Variants in TEP1 observed in about 807,000 individuals in gnomAD.
TEP1 encodes the protein telomerase associated protein 1, also known as telomerase protein component 1.
In TEP1, 241 loss-of-function variants were observed where a neutral mutation model predicts 306.3. The ratio of observed to expected loss-of-function variants is 0.79; its 90% confidence interval spans 0.71 to 0.88. The LOEUF (loss-of-function observed/expected upper bound fraction) is 0.88. Among genes scored for constraint, TEP1 ranks in the 40% least tolerant of loss-of-function variants. TEP1 has a pLI of 0.00. For missense variants in TEP1, 3,051 were observed against 3,276.1 expected, an observed-to-expected ratio of 0.93 and a Z score of 1.68; for synonymous variants, 1,289 against 1,305.5, an observed-to-expected ratio of 0.99 and a Z score of 0.27.
chr14:20,380,215 G>C lies in TEP1; in HGVS notation c.5003+20C>G. 6.2e-7 allele frequency: 1 copy of C among 1,609,534 alleles called. No individual in the cohort carries two copies. The highest frequency in any genetic ancestry group is 8.5e-7 in the Non-Finnish European group (1 of 1,176,672). On this transcript the variant is annotated intron_variant, in intron 34 of 54. Transcript: ENST00000262715. ...CTTGCTCTCTGGTGGGCTTACTAGG[G>C]TCTGGGGTCAAGGTCTTACCTTTGC...
In TEP1 at chr14:20,372,724, C is replaced by T. The variant is rs373397069; in HGVS notation, c.7076+9G>A. ...GTTTCTATCCCATTAACCCATCAGC[C>T]TGTTTCACCTCAAATTTCCGGGTGC... On this transcript the variant is annotated intron_variant, in intron 49 of 54. Transcript: ENST00000262715. 5.6e-6 allele frequency: 9 copies of T among 1,613,954 alleles called. No individual in the cohort carries two copies. The highest frequency in any genetic ancestry group is 1.7e-5 in the Admixed American group (1 of 59,986).
At chr14:20,389,147 TA>T (rs74346293) in intron 17 of TEP1, 90 bp downstream of exon 17, 102,086 of 999,592 alleles carry the variant, frequency 0.1, no homozygotes, top group South Asian at 0.13. Context: ...GATTCTGTCT[TA>T]AAAAAAAAAA....
chr14:20,390,481 T>C (rs113979333), intron 15 of TEP1, among the ~76,000 whole-genome samples, 200 bp downstream of exon 15: 9,878 of 152,292 alleles, frequency 0.065, 355 homozygotes, highest in African/African-American at 0.095. Flanking sequence ...CAGATGCTAC[T>C]AACCAAGGCT....
rs1304722327 is a variant in TEP1, at chr14:20,386,092, G to C, written c.2965C>G (p.His989Asp). Residue 989 changes from histidine to aspartate, a missense_variant, in exon 20 of 55, where the codon CAT (histidine) becomes GAT (aspartate). Coordinates refer to ENST00000262715, the MANE Select transcript of TEP1 (RefSeq NM_007110.5). ...YIPPSYNLPD[H>D]PHFHWAQQYP... The stretch of plus-strand genomic sequence containing the variant: ...TGCCTTACCCAGTGGAAGTGTGGAT[G>C]GTCAGGAAGGTTGTAGCTGGGGGGA... 1 of 1,610,266 alleles carries C rather than the reference G, an allele frequency of 6.2e-7. No individual in the cohort carries two copies. The highest frequency in any genetic ancestry group is 8.5e-7 in the Non-Finnish European group (1 of 1,178,654).
At chr14:20,403,908 A>C (rs1169184024) in intron 5 of TEP1, 24 bp from the exon 6 acceptor site, 4 of 1,613,770 alleles carry the variant, frequency 2.5e-6, no homozygotes, top group Non-Finnish European at 3.4e-6. Flanking sequence ...AGGAGAGACC[A>C]CTAGAAGCAA....
rs543914037 is a variant in TEP1 at position 20,380,851 on chromosome 14, C to T, written c.4762+80G>A. 9.4e-4 allele frequency: 1,187 copies of T among 1,257,610 alleles called. 2 individuals carry two copies. Among genetic ancestry groups the T allele is most frequent in the Non-Finnish European group, 1.3e-3 (1,114 of 866,042 alleles). 77.9% of individuals were successfully genotyped at this position (1,257,610 alleles called of 1,614,324 possible). A position where few individuals can be genotyped will look rare whatever the true frequency, so the allele number is the denominator to read the frequency against. On this transcript the variant is annotated intron_variant, in intron 33 of 54. Transcript: ENST00000262715. ...TTTCCCTGACACCCACACCCCTGCC[C>T]CAACCCTGAGCAGGGCCCCCATAAG...
chr14:20,377,629 T>G lies in TEP1; in HGVS notation c.5846A>C (p.Asp1949Ala). 6.2e-7 allele frequency: 1 copy of G among 1,614,026 alleles called. No individual in the cohort carries two copies. The highest frequency in any genetic ancestry group is 1.1e-5 in the South Asian group (1 of 91,070). The change falls in exon 40 of 55, where the codon GAT becomes GCT. Residue 1949 changes from aspartate to alanine, a missense_variant. Physicochemically the swap from Asp to Ala is moderately radical, Grantham distance 126. Transcript: ENST00000262715. Reference sequence around the variant, plus strand: ...AGAGATTTTGTAGATCCTAATGCCATCCGCTCGATATCCAACAGCCACCCG... The same window carrying G: ...AGAGATTTTGTAGATCCTAATGCCAGCCGCTCGATATCCAACAGCCACCCG... ...GDRVAVGYRADGIRIYKISSG... is the reference protein window; with the variant it reads ...GDRVAVGYRAAGIRIYKISSG...
chr14:20,393,646 G>C (rs1877927478), intron 12 of TEP1, among the ~76,000 whole-genome samples: 1 of 152,164 alleles, frequency 6.6e-6, no homozygotes, highest in Non-Finnish European at 1.5e-5. Context: ...ACAAAAATTA[G>C]CGGGGTGTGG....
chr14:20,380,377 G>A lies in TEP1; in HGVS notation c.4861C>T (p.Pro1621Ser), dbSNP rs774227713. ...GCTGCCTGCTGGGGCAGGAGCCGGGGGTACTGGCTGAGGATTGAAGCCTGC... is the reference window on the plus strand; with the variant it reads ...GCTGCCTGCTGGGGCAGGAGCCGGGAGTACTGGCTGAGGATTGAAGCCTGC... ...RQQASILSQY[P>S]RLLPQQAANQ... The change falls in exon 34 of 55, where the codon CCC (proline) becomes TCC (serine). Residue 1621 changes from proline (P) to serine (S), a missense_variant. Physicochemically the swap from Pro to Ser is moderately conservative, Grantham distance 74 (BLOSUM62 -1). Transcript: ENST00000262715. The A allele has an allele frequency of 1.9e-6, 3 of 1,614,210 alleles. No individual in the cohort carries two copies. The highest frequency in any genetic ancestry group is 2.2e-5 in the South Asian group (2 of 91,088).
chr14:20,384,096 G>A lies in TEP1; in HGVS notation c.3476C>T (p.Pro1159Leu). 6.2e-7 allele frequency: 1 copy of A among 1,613,930 alleles called. No homozygotes were observed. Residue 1159 changes from proline to leucine, a missense_variant, in exon 24 of 55, where the codon CCC (proline) becomes CTC (leucine). Transcript: ENST00000262715. The part of the protein sequence containing the change: ...LQDTVQRLML[P>L]HGRLSLVTGQ... ...CGTCACCAGGCTCAGCCTTCCGTGG[G>A]GCAGCATCAGCCGTTGCACTGTGTC...
In TEP1 at chr14:20,391,098, T is replaced by C. The variant is rs768380701; in HGVS notation, c.2098-2A>G. 21 of 1,613,650 alleles carry C rather than the reference T, an allele frequency of 1.3e-5. No homozygotes were observed. The highest frequency in any genetic ancestry group is 1.7e-5 in the Non-Finnish European group (20 of 1,179,950). Reference sequence around the variant, plus strand: ...CAGCAGTGCATAGTTCAGCGGGGGCTGATTGGACAAGTGTCAGGGGAAATA... The same window carrying C: ...CAGCAGTGCATAGTTCAGCGGGGGCCGATTGGACAAGTGTCAGGGGAAATA... On this transcript the variant is annotated splice_acceptor_variant, in intron 13 of 54. Coordinates refer to ENST00000262715, the MANE Select transcript of TEP1 (RefSeq NM_007110.5). LOFTEE classifies it high-confidence loss of function.
At chr14:20,411,963 GTAT>G (rs1879712931) in intron 1 of TEP1, among the ~76,000 whole-genome samples, 2 of 151,750 alleles carry the variant, frequency 1.3e-5, no homozygotes, top group Non-Finnish European at 2.9e-5. Context: ...AAAAAGGAAT[GTAT>G]TTTCTTACTT....
In TEP1 at chr14:20,391,829, C is replaced by T. The variant is rs1489952455; in HGVS notation, c.1929-62G>A. 12 of 1,563,018 alleles carry T rather than the reference C, an allele frequency of 7.7e-6. No individual in the cohort carries two copies. In the Admixed American group the frequency reaches 1.2e-4, roughly 16 times the overall value. ...GACTTATCTGCCCCTTAGAGGCAGA[C>T]GGGGAGATGAGAAGTTGCCACTAAG... On this transcript the variant is annotated intron_variant, in intron 12 of 54. Transcript: ENST00000262715.
rs1456443765 is a variant in TEP1, at chr14:20,383,825, G to A, written c.3628C>T (p.Leu1210Phe). ...HFSGARPDQG[L>F]ALTLLRRLCT... ...AGGCGTCTGAGCAGAGTGAGGGCAA[G>A]ACCCTGGTCAGGACGAGCCCCAGAA... The change falls in exon 25 of 55, where the codon CTT (leucine) becomes TTT (phenylalanine). Residue 1210 changes from leucine (L) to phenylalanine (F), a missense_variant. Leu to Phe is a conservative substitution (Grantham distance 22). Around this residue, in one of 3 missense-constraint regions of TEP1, gnomAD observed 1,507 missense variants for 1,550.5 expected, o/e 0.97. Coordinates refer to ENST00000262715, the MANE Select transcript of TEP1 (RefSeq NM_007110.5). 6.2e-7 allele frequency: 1 copy of A among 1,608,482 alleles called. No individual in the cohort carries two copies.
chr14:20,380,913 G>A lies in TEP1; in HGVS notation c.4762+18C>T, dbSNP rs1876458067. ...GTCCCATATCTCAGAGAAGAACCCA[G>A]CCAGTGACTCATCTCACCATAGAGG... On this transcript the variant is annotated intron_variant, in intron 33 of 54. Transcript: ENST00000262715. 1 of 1,602,066 alleles carries A rather than the reference G, an allele frequency of 6.2e-7. No individual in the cohort carries two copies.
intron 51 of TEP1, 140 bp from the exon 52 acceptor site, chr14:20,369,919 T>A (rs993925309): frequency 7.3e-5 from 23 of 316,678 alleles, no homozygotes; most frequent in East Asian, 4.5e-4. Context: ...AGTGCGCAAA[T>A]TTTTTTTTTT....
At chr14:20,409,959 T>C (rs1450833783) in intron 1 of TEP1, among the ~76,000 whole-genome samples, 1 of 134,132 alleles carries the variant, frequency 7.5e-6, no homozygotes, top group Non-Finnish European at 1.5e-5. Flanking sequence ...GAGGCGGAGC[T>C]TGCAGTGAGC....
At chr14:20,373,850 G>T in intron 44 of TEP1, 40 bp from the exon 45 acceptor site, 1 of 1,598,558 alleles carries the variant, frequency 6.3e-7, no homozygotes, top group Non-Finnish European at 8.5e-7. Flanking sequence ...GTCATATTGA[G>T]CAGGACATGG....
intron 43 of TEP1, among the ~76,000 whole-genome samples, chr14:20,374,777 T>C (rs1225549174): frequency 1.3e-5 from 2 of 152,086 alleles, no homozygotes; most frequent in African/African-American, 2.4e-5. Flanking sequence ...ATGGTGGTTG[T>C]GGGGCTGAGT....
Sources: gnomAD v4.1 joint callset for allele counts (sites outside exome capture counted in the v4.1 genomes callset) on GRCh38, gnomAD v4.1.1 for gene constraint, gnomAD v4.1.1 regional missense constraint, MANE v1.5 for transcripts, NCBI Gene and HGNC (gene_info 2026-07-23, HGNC 2026-07-21) for gene names.